The following RPS6KC1 variants were observed in gnomAD, a reference collection of about 807,000 sequenced individuals.
The protein encoded by RPS6KC1 is inactive ribosomal protein S6 kinase delta-1.
In RPS6KC1, 54 loss-of-function variants were observed where a neutral mutation model predicts 103.8. The ratio of observed to expected loss-of-function variants is 0.52; its 90% CI spans 0.42 to 0.65. The LOEUF is 0.65. Ranked by LOEUF, RPS6KC1 falls within the 30% of genes least tolerant of loss-of-function variation. RPS6KC1 has a pLI of 0.00. For synonymous variants in RPS6KC1, 439 were observed against 438.7 expected (o/e 1.00, Z -0.01); for missense variants, 1,151 against 1,253.8 (o/e 0.92, Z 1.24).
At chr1:213,125,918 C>T (rs888354407) in intron 5 of RPS6KC1, 4 of 151,910 alleles carry the variant, frequency 2.6e-5, no homozygotes, top group South Asian at 2.1e-4. Context: ...TAACTTTGCC[C>T]GCTTGCCCTT....
the RPS6KC1 span, among the ~76,000 whole-genome samples, chr1:213,289,168 G>C: frequency 2.3e-4 from 33 of 141,588 alleles, no homozygotes; most frequent in South Asian, 6.8e-4. Context: ...AGTTCTTTCC[G>C]TCCTGGAATT....
chr1:213,072,050 TAGA>T (rs1414197301), intron 2 of RPS6KC1, among the ~76,000 whole-genome samples: 1 of 152,194 alleles, frequency 6.6e-6, no homozygotes, highest in Non-Finnish European at 1.5e-5. Flanking sequence ...TCACTAAGAC[TAGA>T]AGGACATATA....
the RPS6KC1 span, chr1:213,820,580 C>T: frequency 6.6e-6 from 1 of 152,164 alleles, no homozygotes; most frequent in Admixed American, 6.5e-5. Flanking sequence ...TCACCCAGGC[C>T]ACCTCTGTCT....
chr1:213,188,008 G>C (rs1573116241), intron 8 of RPS6KC1, among the ~76,000 whole-genome samples: 1 of 152,224 alleles, frequency 6.6e-6, no homozygotes, highest in East Asian at 1.9e-4. Context: ...GGCTGGCAGT[G>C]TGTTAAGGCT....
At chr1:213,392,204 A>G in the RPS6KC1 span, among the ~76,000 whole-genome samples, 3 of 152,102 alleles carry the variant, frequency 2.0e-5, no homozygotes, top group East Asian at 5.8e-4. Context: ...AAATTTTATC[A>G]GCAGAACCGA....
At chr1:213,124,348 A>C (rs181453523) in intron 5 of RPS6KC1, among the ~76,000 whole-genome samples, 1 of 152,088 alleles carries the variant, frequency 6.6e-6, no homozygotes, top group African/African-American at 2.4e-5. Context: ...ACTTTTGACA[A>C]ATAGTCTCTG....
chr1:213,637,366 C>G, the RPS6KC1 span, among the ~76,000 whole-genome samples: 1 of 151,024 alleles, frequency 6.6e-6, no homozygotes, highest in Non-Finnish European at 1.5e-5. Context: ...TTGGAACCAA[C>G]CCAAATGTCC....
At chr1:213,567,230 C>T in the RPS6KC1 span, among the ~76,000 whole-genome samples, 22 of 152,200 alleles carry the variant, frequency 1.4e-4, no homozygotes, top group South Asian at 2.1e-4. Flanking sequence ...TAGTATGAGA[C>T]GGCTAAGCTT....
chr1:213,472,158 A>G, the RPS6KC1 span, among the ~76,000 whole-genome samples: 33 of 152,168 alleles, frequency 2.2e-4, no homozygotes, highest in African/African-American at 9.7e-5. Context: ...GATATTTCTT[A>G]GTTGATTTTT....
chr1:213,585,333 A>G, the RPS6KC1 span, among the ~76,000 whole-genome samples: 5 of 152,132 alleles, frequency 3.3e-5, no homozygotes, highest in African/African-American at 9.7e-5. Flanking sequence ...CCGGGGATGC[A>G]TGGGGTCAGC....
At chr1:213,663,955 T>C in the RPS6KC1 span, among the ~76,000 whole-genome samples, 4,967 of 152,208 alleles carry the variant, frequency 0.033, 267 homozygotes, top group African/African-American at 0.11. Context: ...GGTACATAGA[T>C]CAGGGGAGGG....
the RPS6KC1 span, among the ~76,000 whole-genome samples, chr1:213,770,424 A>G: frequency 6.6e-6 from 1 of 152,244 alleles, no homozygotes; most frequent in Admixed American, 6.5e-5. Flanking sequence ...ATGTGAAAAT[A>G]AGTAATGTTG....
At chr1:213,285,766 C>T in the RPS6KC1 span, among the ~76,000 whole-genome samples, 13 of 152,056 alleles carry the variant, frequency 8.5e-5, no homozygotes, top group Non-Finnish European at 1.5e-4. Context: ...TAGTATTAAG[C>T]TGTGGGGCTT....
the RPS6KC1 span, among the ~76,000 whole-genome samples, chr1:213,516,469 C>A: frequency 6.6e-6 from 1 of 152,168 alleles, no homozygotes; most frequent in Non-Finnish European, 1.5e-5. Context: ...AAGGCCTTTT[C>A]TGCATCTATT....
At chr1:213,772,786 T>C in the RPS6KC1 span, among the ~76,000 whole-genome samples, 1 of 152,314 alleles carries the variant, frequency 6.6e-6, no homozygotes, top group African/African-American at 2.4e-5. Context: ...GGATATTTAC[T>C]AGAAGTCAAT....
chr1:213,534,060 G>C, the RPS6KC1 span, among the ~76,000 whole-genome samples: 8 of 152,178 alleles, frequency 5.3e-5, no homozygotes, highest in African/African-American at 1.9e-4. Flanking sequence ...TTCCAGGATA[G>C]CAAATAGGTT....
chr1:213,052,135 C>G (rs1196120072), intron 1 of RPS6KC1, among the ~76,000 whole-genome samples: 1 of 152,212 alleles, frequency 6.6e-6, no homozygotes, highest in Non-Finnish European at 1.5e-5. Flanking sequence ...CATCAACTAA[C>G]TGGTCCAATT....
the RPS6KC1 span, among the ~76,000 whole-genome samples, chr1:213,590,285 T>C: frequency 6.6e-6 from 1 of 152,150 alleles, no homozygotes; most frequent in Non-Finnish European, 1.5e-5. Context: ...AGGCCACATT[T>C]ACTCTTGAGG....
At chr1:213,638,291 T>G in the RPS6KC1 span, among the ~76,000 whole-genome samples, 1 of 152,138 alleles carries the variant, frequency 6.6e-6, no homozygotes, top group East Asian at 1.9e-4. Context: ...TTGTTTGAAT[T>G]GTGATTTGCA....
Sources: allele counts gnomAD v4.1 joint callset (sites outside exome capture counted in the v4.1 genomes callset), GRCh38; gene constraint gnomAD v4.1.1; transcripts MANE v1.5; gene names NCBI Gene and HGNC (gene_info 2026-07-23, HGNC 2026-07-21).